GATA4: variants seen among roughly 807,000 people sequenced by gnomAD.
GATA4 encodes GATA binding protein 4, also known as transcription factor GATA-4.
Under a neutral mutation model 37.9 loss-of-function variants are expected in GATA4, and 7 were observed. The ratio of observed to expected loss-of-function variants is 0.18; its 90% CI spans 0.11 to 0.35. The LOEUF (loss-of-function observed/expected upper bound fraction) is 0.35, where lower values mean the gene tolerates loss of function less well. Ranked by LOEUF, GATA4 falls within the 10% of genes least tolerant of loss-of-function variation. GATA4 has a pLI of 1.00. For missense variants in GATA4, 647 were observed against 653.0 expected, an observed-to-expected ratio of 0.99 and a Z score of 0.10; for synonymous variants, 372 against 292.6, an observed-to-expected ratio of 1.27 and a Z score of -2.77.
At position 11,687,255 on chromosome 8, in the gene GATA4, C is replaced by A. The variant is rs571309956; in HGVS notation, c.-274+10192C>A. Among the ~76,000 whole-genome samples the A allele has an allele frequency of 5.3e-5, 8 of 152,300 alleles. No homozygotes were observed. In the South Asian group the frequency reaches 1.7e-3, roughly 32 times the overall value. On this transcript the variant is annotated intron_variant, in intron 1 of 6. Transcript: ENST00000528712. ...ATGTTGTTGACTGCTTTTCTTATCG[C>A]TGTACCATTTAGCATCCCCAGAAAT...
intron 1 of GATA4, among the ~76,000 whole-genome samples, chr8:11,679,173 T>G (rs1798872498): frequency 2.1e-5 from 1 of 47,856 alleles, no homozygotes; most frequent in African/African-American, 4.3e-5. Context: ...ATTATCCGAA[T>G]AATTGCGGGG....
intron 6 of GATA4, 101 bp downstream of exon 6, chr8:11,757,184 A>G: frequency 6.6e-7 from 1 of 1,524,744 alleles, no homozygotes; most frequent in Non-Finnish European, 8.9e-7. Flanking sequence ...GCCAGGCCTC[A>G]CAGGTGCAAG....
chr8:11,726,232 C>T lies in GATA4; in HGVS notation c.616+17304C>T, dbSNP rs548023098. 7.0e-4 allele frequency among the ~76,000 whole-genome samples: 107 copies of T among 152,308 alleles called. 5 individuals carry two copies. The South Asian group carries it at 0.021, about 30-fold the overall frequency. On this transcript the variant is annotated intron_variant, in intron 2 of 6. Transcript: ENST00000532059. Reference sequence around the variant, plus strand: ...ACATCTTCGGCGGGAGCGGAGCCATCCTTGTAAAAGGAACCTGAGAAACAG... The same window carrying T: ...ACATCTTCGGCGGGAGCGGAGCCATTCTTGTAAAAGGAACCTGAGAAACAG...
At chr8:11,751,167 G>A (rs544404028) in intron 4 of GATA4, among the ~76,000 whole-genome samples, 1 of 152,186 alleles carries the variant, frequency 6.6e-6, no homozygotes, top group South Asian at 2.1e-4. Context: ...GGAAAGTAAA[G>A]ACCAATACAC....
chr8:11,758,528 G>A lies in GATA4; in HGVS notation c.*53G>A, dbSNP rs928795540. On this transcript the variant is annotated 3_prime_UTR_variant, in exon 7 of 7. Coordinates refer to ENST00000532059, the MANE Select transcript of GATA4 (RefSeq NM_001308093.3). ...GCACGGACCTGGGACTTGGAGGATA[G>A]CAAAGAAGGAGGCCCTGGGCTCCCA... 2.5e-6 allele frequency: 4 copies of A among 1,594,738 alleles called. No homozygotes were observed. The East Asian group carries it at 6.7e-5, about 27-fold the overall frequency.
At chr8:11,712,307 A>T (rs372653676) in intron 2 of GATA4, among the ~76,000 whole-genome samples, 31 of 152,306 alleles carry the variant, frequency 2.0e-4, no homozygotes, top group African/African-American at 6.0e-4. Context: ...TGGACACTCA[A>T]TGTGAAAATG....
chr8:11,747,537 T>A (rs888133449), intron 2 of GATA4, among the ~76,000 whole-genome samples: 6 of 152,168 alleles, frequency 3.9e-5, no homozygotes, highest in Admixed American at 3.9e-4. Context: ...CCAACTATGA[T>A]ATGGCAGCCC....
At chr8:11,696,287 T>G (rs1476887688) in intron 1 of GATA4, among the ~76,000 whole-genome samples, 2 of 152,050 alleles carry the variant, frequency 1.3e-5, no homozygotes, top group Non-Finnish European at 1.5e-5. Context: ...CTCTTCCCCC[T>G]CCTCAGCCCC....
rs1040398846 is a variant in GATA4, at chr8:11,708,897, G to C, written c.585G>C (p.Arg195=). ...DSPVLHSLPG[R]ANPAARHPNL... ...CGGTCCTGCACAGCCTGCCCGGCCG[G>C]GCCAACCCGGCCGCCCGACACCCCA... Residue 195 remains arginine (R), a synonymous_variant, in exon 2 of 7, where the codon CGG becomes CGC. Coordinates refer to ENST00000532059, the MANE Select transcript of GATA4 (RefSeq NM_001308093.3). The surrounding 1 kb of genome is among the most constrained non-coding windows in gnomAD (Gnocchi z 6.7). 47 of 1,528,212 alleles carry C rather than the reference G, an allele frequency of 3.1e-5. No individual in the cohort carries two copies. In the African/African-American group the frequency reaches 4.8e-4, roughly 16 times the overall value. The allele number at this position is 1,528,212 out of a possible 1,614,324, so 94.7% of individuals were successfully genotyped here. A position where few individuals can be genotyped will look rare whatever the true frequency, so the allele number is the denominator to read the frequency against.
At chr8:11,700,530 C>A (rs1259330041), upstream of GATA4, 1 of 152,326 alleles carries the variant, frequency 6.6e-6, no homozygotes, top group African/African-American at 2.4e-5. Flanking sequence ...CTGCTCTGCA[C>A]CCTGGTTCTC....
chr8:11,740,432 C>T (rs1009548564), intron 2 of GATA4, among the ~76,000 whole-genome samples: 44 of 152,314 alleles, frequency 2.9e-4, no homozygotes, highest in African/African-American at 9.6e-4. Context: ...TCCGGGGAGG[C>T]GGACGGCACA....
intron 2 of GATA4, among the ~76,000 whole-genome samples, chr8:11,745,960 T>C (rs1802010772): frequency 6.6e-6 from 1 of 152,206 alleles, no homozygotes; most frequent in African/African-American, 2.4e-5. Flanking sequence ...TGTCCCCTTC[T>C]GAATATGTTT....
chr8:11,758,485 T>C lies in GATA4; in HGVS notation c.*10T>C, dbSNP rs1303390126. The C allele has an allele frequency of 5.6e-6, 9 of 1,613,538 alleles. No homozygotes were observed. The highest frequency in any genetic ancestry group is 7.6e-6 in the Non-Finnish European group (9 of 1,179,556). On this transcript the variant is annotated 3_prime_UTR_variant, in exon 7 of 7. Coordinates refer to ENST00000532059, the MANE Select transcript of GATA4 (RefSeq NM_001308093.3). ...CATAATCACTGCGTAATCTTCCCTCTTCCCTCCTCAAATTCCTGCACGGAC... is the reference window on the plus strand; with the variant it reads ...CATAATCACTGCGTAATCTTCCCTCCTCCCTCCTCAAATTCCTGCACGGAC...
In GATA4 at chr8:11,710,044, G is replaced by C. The variant is rs183186381; in HGVS notation, c.616+1116G>C. Among the ~76,000 whole-genome samples, 23 of 152,332 alleles carry C rather than the reference G, an allele frequency of 1.5e-4. No individual in the cohort carries two copies. In the East Asian group the frequency reaches 4.2e-3, roughly 28 times the overall value. On this transcript the variant is annotated intron_variant, in intron 2 of 6. Transcript: ENST00000532059. ...ATCCTTCTGCATTTGTTCTCACTTT[G>C]AAGAGTAAAGGCTACCCCTGCCAGG...
chr8:11,726,569 G>T lies in GATA4; in HGVS notation c.616+17641G>T, dbSNP rs183324416. Among the ~76,000 whole-genome samples, 240 of 152,272 alleles carry T rather than the reference G, an allele frequency of 1.6e-3. 4 individuals are homozygous for T. The highest frequency in any genetic ancestry group is 5.7e-3 in the African/African-American group (235 of 41,572). On this transcript the variant is annotated intron_variant, in intron 2 of 6. Coordinates refer to ENST00000532059, the MANE Select transcript of GATA4 (RefSeq NM_001308093.3). Reference sequence around the variant, plus strand: ...GGGCTAAGGGCTGGTGCACATGTGGGATACTCCAGTCTCTGTTTGAACCCT... The same window carrying T: ...GGGCTAAGGGCTGGTGCACATGTGGTATACTCCAGTCTCTGTTTGAACCCT...
chr8:11,679,966 C>T (rs532386066), intron 1 of GATA4, among the ~76,000 whole-genome samples: 8 of 152,304 alleles, frequency 5.3e-5, no homozygotes, highest in African/African-American at 1.4e-4. Flanking sequence ...TTTTGTTTCT[C>T]CCACTCCCCG....
chr8:11,757,058 A>G lies in GATA4; in HGVS notation c.1124A>G (p.Tyr375Cys). 2 of 1,614,160 alleles carry G rather than the reference A, an allele frequency of 1.2e-6. No homozygotes were observed. The highest frequency in any genetic ancestry group is 1.7e-6 in the Non-Finnish European group (2 of 1,180,032). ...ACGGAGCCTGGCCTGTCATCTCACTACGGGCACAGCAGCTCCGTGTCCCAG... is the reference window on the plus strand; with the variant it reads ...ACGGAGCCTGGCCTGTCATCTCACTGCGGGCACAGCAGCTCCGTGTCCCAG... ...IKTEPGLSSHYGHSSSVSQTF... is the reference protein window; with the variant it reads ...IKTEPGLSSHCGHSSSVSQTF... Residue 375 changes from tyrosine (Y) to cysteine (C), a missense_variant, in exon 6 of 7, where the codon TAC becomes TGC. Tyr to Cys is a radical substitution (Grantham distance 194). This residue lies in a region of GATA4 where 184 missense variants were observed against 157.1 expected (regional missense o/e 1.17). Transcript: ENST00000532059.
intron 2 of GATA4, among the ~76,000 whole-genome samples, chr8:11,712,044 T>A (rs928173723): frequency 1.3e-5 from 2 of 152,254 alleles, no homozygotes; most frequent in Non-Finnish European, 2.9e-5. Context: ...CTTACCTCTC[T>A]CGGTCTCACC....
intron 6 of GATA4, 23 bp from the exon 7 acceptor site, chr8:11,758,270 A>G (rs1398958501): frequency 6.2e-7 from 1 of 1,613,740 alleles, no homozygotes; most frequent in Non-Finnish European, 8.5e-7. Flanking sequence ...CATGGGCCTC[A>G]TCGTGTGCTT....
Sources: allele counts gnomAD v4.1 joint callset (sites outside exome capture counted in the v4.1 genomes callset), GRCh38; gene constraint gnomAD v4.1.1; regional missense constraint gnomAD v4.1.1; non-coding constraint Gnocchi (gnomAD v3.1); transcripts MANE v1.5; gene names NCBI Gene and HGNC (gene_info 2026-07-23, HGNC 2026-07-21).